Variants in NCK2 observed in about 807,000 individuals in gnomAD.
The protein encoded by NCK2 is cytoplasmic protein NCK2.
In NCK2, 16 loss-of-function variants were observed where a neutral mutation model predicts 33.9. The observed-to-expected ratio is 0.47, with a 90% confidence interval of 0.32 to 0.72. The LOEUF is 0.72. NCK2 is among the 30% of genes least tolerant of loss of function. The pLI is 0.03. For synonymous variants in NCK2, 273 were observed against 239.9 expected, an observed-to-expected ratio of 1.14 and a Z score of -1.27; for missense variants, 418 against 537.3, an observed-to-expected ratio of 0.78 and a Z score of 2.19.
At chr2:105,822,624 G>A (rs896543182) in intron 2 of NCK2, among the ~76,000 whole-genome samples, 22 of 152,044 alleles carry the variant, frequency 1.4e-4, no homozygotes, top group African/African-American at 5.1e-4. Context: ...TGTCATAGCT[G>A]ATACACCCTA....
intron 2 of NCK2, among the ~76,000 whole-genome samples, chr2:105,817,175 C>CA (rs10639030): frequency 0.11 from 14,681 of 136,098 alleles, 1,085 homozygotes; most frequent in African/African-American, 0.18. Context: ...GACTTGGTCT[C>CA]AAAAAAAAAA....
chr2:105,884,211 A>G (rs1274940859), intron 4 of NCK2, among the ~76,000 whole-genome samples: 1 of 150,904 alleles, frequency 6.6e-6, no homozygotes, highest in Non-Finnish European at 1.5e-5. Flanking sequence ...CTGGTGGACA[A>G]GTGGACAAGT....
At chr2:105,787,544 A>G (rs1690722668) in intron 1 of NCK2, among the ~76,000 whole-genome samples, 1 of 152,160 alleles carries the variant, frequency 6.6e-6, no homozygotes, top group African/African-American at 2.4e-5. Flanking sequence ...TGGATCCTGG[A>G]CTTGCAGCCT....
chr2:105,776,955 G>C (rs1224090009), intron 1 of NCK2, among the ~76,000 whole-genome samples: 2 of 151,278 alleles, frequency 1.3e-5, no homozygotes, highest in Non-Finnish European at 2.9e-5. Context: ...AATCTAGTAT[G>C]GGGAGTGGCT....
At chr2:105,865,628 C>T (rs759485892) in intron 3 of NCK2, among the ~76,000 whole-genome samples, 1 of 152,148 alleles carries the variant, frequency 6.6e-6, no homozygotes, top group Non-Finnish European at 1.5e-5. Context: ...TTCCTGGTTC[C>T]TTAATGTTGA....
chr2:105,766,899 G>A (rs1689966914), intron 1 of NCK2, among the ~76,000 whole-genome samples: 2 of 152,206 alleles, frequency 1.3e-5, no homozygotes, highest in Non-Finnish European at 1.5e-5. Flanking sequence ...CTGGCTGGAG[G>A]CTTCTGGCTC....
At position 105,816,620 on chromosome 2, in the gene NCK2, CT is replaced by C. The variant is rs574145699; in HGVS notation, c.-17+8del. 13 of 152,304 alleles carry C rather than the reference CT, an allele frequency of 8.5e-5. 1 individual carries two copies. The East Asian group carries it at 2.5e-3, about 29-fold the overall frequency. The allele number at this position is 152,304 out of a possible 1,614,324, so 9.4% of individuals were successfully genotyped here. A position where few individuals can be genotyped will look rare whatever the true frequency, so the allele number is the denominator to read the frequency against. ...TCTCAACTGTGTGCCAAAGGTAAGT[CT>C]GCAGTTTTCTGCTTAAAACAGAAGT... On this transcript the variant is annotated splice_region_variant and intron_variant, in intron 2 of 4. Coordinates refer to ENST00000233154, the MANE Select transcript of NCK2 (RefSeq NM_003581.5).
chr2:105,826,033 T>C (rs1186364925), intron 2 of NCK2, among the ~76,000 whole-genome samples: 1 of 152,194 alleles, frequency 6.6e-6, no homozygotes, highest in African/African-American at 2.4e-5. Context: ...GCTGATACTG[T>C]GTATTAGTCT....
In NCK2 at chr2:105,893,406, C is replaced by G. The variant is rs1417005733; in HGVS notation, c.*230C>G. The G allele has an allele frequency of 4.1e-6, 2 of 489,134 alleles. No individual in the cohort carries two copies. The highest frequency in any genetic ancestry group is 3.8e-5 in the African/African-American group (2 of 52,326). The allele number at this position is 489,134 out of a possible 1,614,324, so 30.3% of individuals were successfully genotyped here. ...GAGGAGGGGAGGAGCAGGGCGAGTTCACATTATTCCTTTTCCATCGGAAGT... is the reference window on the plus strand; with the variant it reads ...GAGGAGGGGAGGAGCAGGGCGAGTTGACATTATTCCTTTTCCATCGGAAGT... On this transcript the variant is annotated 3_prime_UTR_variant, in exon 5 of 5. Transcript: ENST00000233154.
intron 2 of NCK2, among the ~76,000 whole-genome samples, chr2:105,844,592 G>A (rs1182012452): frequency 8.1e-5 from 12 of 148,486 alleles, no homozygotes; most frequent in Middle Eastern, 7.0e-3. Flanking sequence ...AAAAAAAACA[G>A]CTGGGCATGG....
At chr2:105,793,085 G>C (rs989051949) in intron 1 of NCK2, among the ~76,000 whole-genome samples, 9 of 152,096 alleles carry the variant, frequency 5.9e-5, no homozygotes, top group African/African-American at 2.2e-4. Context: ...TTATATAATG[G>C]CCGTGGAATT....
chr2:105,854,979 C>T (rs1167017116), intron 2 of NCK2, 69 bp from the exon 3 acceptor site: 2 of 1,214,320 alleles, frequency 1.6e-6, no homozygotes, highest in Non-Finnish European at 2.4e-6. Flanking sequence ...CCTAATTTTT[C>T]AAGTTGGTGC....
chr2:105,772,822 C>G (rs1483871190), intron 1 of NCK2, among the ~76,000 whole-genome samples: 1 of 151,914 alleles, frequency 6.6e-6, no homozygotes, highest in African/African-American at 2.4e-5. Flanking sequence ...TGTCCTTGCC[C>G]TGCATCTAGG....
At chr2:105,773,286 C>CT in intron 1 of NCK2, among the ~76,000 whole-genome samples, 1 of 152,194 alleles carries the variant, frequency 6.6e-6, no homozygotes, top group South Asian at 2.1e-4. Flanking sequence ...CTCGAATCCT[C>CT]TAACACTGGC....
chr2:105,798,814 C>G (rs1418220354), intron 1 of NCK2, among the ~76,000 whole-genome samples: 2 of 152,160 alleles, frequency 1.3e-5, no homozygotes, highest in Non-Finnish European at 2.9e-5. Flanking sequence ...ACAAAATGTT[C>G]TTACCTTATT....
At chr2:105,827,866 G>T (rs1442527954) in intron 2 of NCK2, among the ~76,000 whole-genome samples, 1 of 152,204 alleles carries the variant, frequency 6.6e-6, no homozygotes, top group Non-Finnish European at 1.5e-5. Context: ...AGATTTCTGT[G>T]ATGATGAAAT....
upstream of NCK2, among the ~76,000 whole-genome samples, chr2:105,744,719 G>C (rs1689199562): frequency 6.6e-6 from 1 of 151,072 alleles, no homozygotes; most frequent in Non-Finnish European, 1.5e-5. Flanking sequence ...GGCGACGACG[G>C]GGGGCGCCCC....
At chr2:105,775,463 G>T (rs1690269033) in intron 1 of NCK2, among the ~76,000 whole-genome samples, 1 of 152,048 alleles carries the variant, frequency 6.6e-6, no homozygotes, top group Admixed American at 6.5e-5. Context: ...GATCTTGTTT[G>T]AACTTAATCA....
At chr2:105,866,750 G>T (rs1677779545) in intron 3 of NCK2, among the ~76,000 whole-genome samples, 1 of 152,306 alleles carries the variant, frequency 6.6e-6, no homozygotes. Flanking sequence ...GCCCCGGGGG[G>T]TTGGGGACCC....
Sources: gnomAD v4.1 joint callset for allele counts (sites outside exome capture counted in the v4.1 genomes callset) on GRCh38, gnomAD v4.1.1 for gene constraint, MANE v1.5 for transcripts, NCBI Gene and HGNC (gene_info 2026-07-23, HGNC 2026-07-21) for gene names.